PIK3CB: variants seen among roughly 807,000 people sequenced by gnomAD.
PIK3CB encodes the protein phosphatidylinositol 4,5-bisphosphate 3-kinase catalytic subunit beta isoform.
PIK3CB carries 39 observed loss-of-function variants against 136.8 expected under a neutral mutation model. That is an observed-to-expected ratio of 0.29 (90% CI 0.22 to 0.37). The LOEUF (loss-of-function observed/expected upper bound fraction) is 0.37, where lower values mean the gene tolerates loss of function less well. Among genes scored for constraint, PIK3CB ranks in the 10% least tolerant of loss-of-function variants. PIK3CB has a pLI of 1.00. For missense variants in PIK3CB, 868 were observed against 1,275.4 expected, an observed-to-expected ratio of 0.68 and a Z score of 4.87; for synonymous variants, 428 against 436.6, an observed-to-expected ratio of 0.98 and a Z score of 0.25.
chr3:138,767,833 C>T (rs978697813), intron 2 of PIK3CB, among the ~76,000 whole-genome samples: 11 of 152,200 alleles, frequency 7.2e-5, no homozygotes, highest in Non-Finnish European at 1.3e-4. Context: ...TCAGGAACCC[C>T]GGGGCCCCAA....
At chr3:138,769,065 C>G (rs2045768768) in intron 2 of PIK3CB, among the ~76,000 whole-genome samples, 1 of 152,142 alleles carries the variant, frequency 6.6e-6, no homozygotes, top group Non-Finnish European at 1.5e-5. Context: ...GTTTGGGTAG[C>G]TGCAGCTGCT....
At chr3:138,805,210 G>A (rs1260977693) in intron 1 of PIK3CB, among the ~76,000 whole-genome samples, 3 of 150,622 alleles carry the variant, frequency 2.0e-5, no homozygotes, top group South Asian at 2.1e-4. Context: ...GCGCATGCCC[G>A]TAATCTCAGC....
intron 18 of PIK3CB, among the ~76,000 whole-genome samples, chr3:138,682,585 A>G (rs1156742124): frequency 6.6e-6 from 1 of 152,226 alleles, no homozygotes; most frequent in Non-Finnish European, 1.5e-5. Flanking sequence ...GTTCTTAAGA[A>G]TCACGTAAGT....
chr3:138,757,701 G>A (rs2045598184), intron 3 of PIK3CB, among the ~76,000 whole-genome samples: 1 of 146,488 alleles, frequency 6.8e-6, no homozygotes, highest in Non-Finnish European at 1.5e-5. Flanking sequence ...AGGAAGAGAG[G>A]GAGGGAGGAA....
intron 2 of PIK3CB, among the ~76,000 whole-genome samples, chr3:138,760,112 C>T (rs1576397096): frequency 6.6e-6 from 1 of 152,010 alleles, no homozygotes; most frequent in South Asian, 2.1e-4. Context: ...TTAGTAGAGA[C>T]GGGGTTTCAA....
intron 1 of PIK3CB, among the ~76,000 whole-genome samples, chr3:138,826,636 A>G (rs1264934057): frequency 1.4e-5 from 2 of 144,982 alleles, no homozygotes; most frequent in Admixed American, 1.4e-4. Context: ...GTTTAATGAG[A>G]AAAAAAAAAA....
chr3:138,736,980 C>T (rs1329559719), intron 6 of PIK3CB, among the ~76,000 whole-genome samples: 5 of 151,936 alleles, frequency 3.3e-5, no homozygotes, highest in African/African-American at 9.7e-5. Context: ...AATACTTTAC[C>T]TCCCCCAGAA....
At chr3:138,736,263 A>C (rs2045100934) in intron 6 of PIK3CB, among the ~76,000 whole-genome samples, 1 of 152,186 alleles carries the variant, frequency 6.6e-6, no homozygotes, top group Admixed American at 6.6e-5. Flanking sequence ...AAAGCTGTGC[A>C]CATAAGTTAT....
At chr3:138,770,943 A>G (rs2045791653) in intron 2 of PIK3CB, among the ~76,000 whole-genome samples, 1 of 151,858 alleles carries the variant, frequency 6.6e-6, no homozygotes, top group Admixed American at 6.6e-5. Flanking sequence ...AACTCCTGAC[A>G]TCGTGATCCA....
intron 8 of PIK3CB, among the ~76,000 whole-genome samples, chr3:138,726,506 C>T (rs953546192): frequency 2.6e-5 from 4 of 152,114 alleles, no homozygotes; most frequent in Non-Finnish European, 4.4e-5. Context: ...CTGCCACTGC[C>T]ACTGCTACCA....
At position 138,714,626 on chromosome 3, in the gene PIK3CB, T is replaced by A; in HGVS notation, c.1144A>T (p.Asn382Tyr). The A allele has an allele frequency of 6.2e-7, 1 of 1,613,246 alleles. No individual in the cohort carries two copies. The highest frequency in any genetic ancestry group is 8.5e-7 in the Non-Finnish European group (1 of 1,179,228). The change falls in exon 9 of 24, where the codon AAT becomes TAT. Residue 382 changes from asparagine to tyrosine, a missense_variant. Physicochemically the swap from Asn to Tyr is moderately radical, Grantham distance 143 (BLOSUM62 -2). This residue lies in a region of PIK3CB where 612 missense variants were observed against 801.1 expected (regional missense o/e 0.76). Transcript: ENST00000674063. ...EVSGKNDHIW[N>Y]EPLEFDINIC... ...TTAATATCAAATTCCAGTGGTTCAT[T>A]CCAAATATGATCATTTTTCCCTGAT...
chr3:138,744,990 G>C (rs774960124), intron 4 of PIK3CB, among the ~76,000 whole-genome samples: 1 of 152,122 alleles, frequency 6.6e-6, no homozygotes, highest in Non-Finnish European at 1.5e-5. Context: ...TCCTTGATTG[G>C]TTCTGTTGTC....
chr3:138,698,671 T>C (rs1036670118), intron 13 of PIK3CB, among the ~76,000 whole-genome samples: 2 of 152,160 alleles, frequency 1.3e-5, no homozygotes, highest in Non-Finnish European at 2.9e-5. Context: ...TGTCCCAAGA[T>C]CAATGTTTCA....
chr3:138,672,311 C>T (rs1157284041), intron 19 of PIK3CB, among the ~76,000 whole-genome samples: 1 of 152,096 alleles, frequency 6.6e-6, no homozygotes, highest in Non-Finnish European at 1.5e-5. Context: ...TTCAAGCCTT[C>T]CCACACTCTC....
At chr3:138,670,599 A>G (rs367705027) in intron 19 of PIK3CB, among the ~76,000 whole-genome samples, 71 of 152,384 alleles carry the variant, frequency 4.7e-4, no homozygotes, top group Non-Finnish European at 8.4e-4. Context: ...CTGTGTGCCA[A>G]TAAAATTTCA....
At chr3:138,683,643 C>G (rs548174864) in intron 18 of PIK3CB, 35 bp downstream of exon 18, 2 of 1,103,156 alleles carry the variant, frequency 1.8e-6, no homozygotes, top group African/African-American at 1.5e-5. Context: ...ATGAAAAATT[C>G]TAAGAAATTT....
intron 19 of PIK3CB, among the ~76,000 whole-genome samples, chr3:138,675,940 T>C (rs2043633550): frequency 6.6e-6 from 1 of 152,188 alleles, no homozygotes; most frequent in African/African-American, 2.4e-5. Context: ...AATAATCTTT[T>C]CAACAAATGG....
intron 1 of PIK3CB, among the ~76,000 whole-genome samples, chr3:138,802,021 C>T (rs184254160): frequency 6.3e-4 from 94 of 150,132 alleles, no homozygotes; most frequent in Admixed American, 3.9e-3. Context: ...CCAGCCTGGG[C>T]GAAGCAGCAA....
At chr3:138,705,182 A>C (rs1407828465) in intron 11 of PIK3CB, among the ~76,000 whole-genome samples, 3 of 80,962 alleles carry the variant, frequency 3.7e-5, no homozygotes, top group African/African-American at 2.0e-4. Flanking sequence ...AACAAAAAAC[A>C]AAACAAACAA....
Sources: allele counts gnomAD v4.1 joint callset (sites outside exome capture counted in the v4.1 genomes callset), GRCh38; gene constraint gnomAD v4.1.1; regional missense constraint gnomAD v4.1.1; transcripts MANE v1.5; gene names NCBI Gene and HGNC (gene_info 2026-07-23, HGNC 2026-07-21).